The following AGBL1 variants were observed in gnomAD, a reference collection of about 807,000 sequenced individuals.
AGBL1 encodes the protein cytosolic carboxypeptidase 4.
AGBL1 carries 130 observed loss-of-function variants against 118.9 expected under a neutral mutation model. The observed-to-expected ratio is 1.09, with a 90% CI of 0.95 to 1.26. The LOEUF (loss-of-function observed/expected upper bound fraction) is 1.26, where lower values mean the gene tolerates loss of function less well. AGBL1 is among the 50% of genes most tolerant of loss of function. The pLI, the probability that AGBL1 is intolerant of heterozygous loss-of-function variation, is 0.00. For missense variants in AGBL1, 1,584 were observed against 1,298.1 expected (o/e 1.22, Z -3.38); for synonymous variants, 555 against 478.9 (o/e 1.16, Z -2.08).
intron 21 of AGBL1, among the ~76,000 whole-genome samples, chr15:86,599,113 G>A (rs903540460): frequency 6.6e-6 from 1 of 152,100 alleles, no homozygotes; most frequent in Admixed American, 6.6e-5. Context: ...ATAGTGATTA[G>A]TTTCACACCG....
chr15:86,262,078 C>CTGTTTTTTTTTTTTTTTTTTTTTT (rs2094009283), intron 9 of AGBL1, among the ~76,000 whole-genome samples: 1 of 52,766 alleles, frequency 1.9e-5, no homozygotes, highest in Non-Finnish European at 3.6e-5. Context: ...GCATAGCTGG[C>CTGTTTTTTTTTTTTTTTTTTTTTT]TTTTTTTTTT....
At chr15:86,207,704 T>G (rs1294088581) in intron 5 of AGBL1, among the ~76,000 whole-genome samples, 2 of 152,162 alleles carry the variant, frequency 1.3e-5, no homozygotes, top group Non-Finnish European at 2.9e-5. Context: ...AGCTTAAAGA[T>G]ATTTTGGGCT....
At chr15:86,396,243 GTATATA>G (rs3050890) in intron 17 of AGBL1, among the ~76,000 whole-genome samples, 1 of 126,626 alleles carries the variant, frequency 7.9e-6, no homozygotes, top group East Asian at 2.1e-4. Context: ...GTGTGTGTGT[GTATATA>G]TATATATATA....
chr15:86,831,997 C>A (rs974726912), intron 22 of AGBL1, among the ~76,000 whole-genome samples: 1 of 152,214 alleles, frequency 6.6e-6, no homozygotes, highest in Admixed American at 6.5e-5. Flanking sequence ...TCCCTGCAGG[C>A]CCAACACCAC....
rs150280055 is a variant in AGBL1 at position 86,313,053 on chromosome 15, G to A, written c.2374+17645G>A. ...CAGCTTTCAGCTTCTGGAAGGTGCT[G>A]TTGGAAACCCATAGAGTCAAATGGG... On this transcript the variant is annotated intron_variant, in intron 17 of 22. Transcript: ENST00000614907. Among the ~76,000 whole-genome samples the A allele has an allele frequency of 3.9e-3, 596 of 152,310 alleles. 7 individuals are homozygous for A. The highest frequency in any genetic ancestry group is 0.013 in the African/African-American group (554 of 41,564).
chr15:86,396,082 T>G (rs907136802), intron 17 of AGBL1, among the ~76,000 whole-genome samples: 5 of 150,470 alleles, frequency 3.3e-5, no homozygotes, highest in African/African-American at 9.7e-5. Context: ...TTTTTTATGG[T>G]TGAATAGTAT....
chr15:86,575,570 T>C (rs1241936945), intron 21 of AGBL1, among the ~76,000 whole-genome samples: 1 of 152,128 alleles, frequency 6.6e-6, no homozygotes, highest in Non-Finnish European at 1.5e-5. Flanking sequence ...CATATTCAAA[T>C]TTTAAAATTC....
intron 18 of AGBL1, among the ~76,000 whole-genome samples, chr15:86,439,169 A>C (rs2082033153): frequency 6.6e-6 from 1 of 152,126 alleles, no homozygotes; most frequent in Non-Finnish European, 1.5e-5. Context: ...CTATGTGTGA[A>C]TGTAAAACTT....
chr15:86,519,184 T>C (rs533964543), intron 18 of AGBL1, among the ~76,000 whole-genome samples: 11 of 152,294 alleles, frequency 7.2e-5, no homozygotes, highest in Admixed American at 2.0e-4. Context: ...AAGCCTCTTA[T>C]ATAAAATGGC....
At chr15:86,245,404 G>A (rs992191604) in intron 6 of AGBL1, among the ~76,000 whole-genome samples, 2 of 152,116 alleles carry the variant, frequency 1.3e-5, no homozygotes, top group African/African-American at 4.8e-5. Flanking sequence ...GGAGAGATGC[G>A]GTAGTGAGAG....
At chr15:86,920,289 C>T (rs1024709783), downstream of AGBL1, among the ~76,000 whole-genome samples, 5 of 152,204 alleles carry the variant, frequency 3.3e-5, no homozygotes, top group Non-Finnish European at 7.3e-5. Context: ...GCCTCCATTC[C>T]TTGGCCTGTG....
chr15:86,231,123 T>A (rs779732918), intron 6 of AGBL1, among the ~76,000 whole-genome samples: 1 of 152,248 alleles, frequency 6.6e-6, no homozygotes, highest in Non-Finnish European at 1.5e-5. Context: ...CTAACCATAC[T>A]GTAATTGATG....
intron 18 of AGBL1, among the ~76,000 whole-genome samples, chr15:86,438,997 C>T (rs4887461): frequency 0.43 from 64,752 of 151,720 alleles, 14,458 homozygotes; most frequent in East Asian, 0.82. Flanking sequence ...TCTCCCTCCT[C>T]CATTGTCTCC....
At chr15:86,945,177 G>A (rs990800615) in intron 23 of AGBL1, among the ~76,000 whole-genome samples, 5 of 146,984 alleles carry the variant, frequency 3.4e-5, no homozygotes, top group African/African-American at 1.3e-4. Context: ...CCAGGAGTTC[G>A]AGGTTGCAGT....
At chr15:86,331,759 G>A (rs553753323) in intron 17 of AGBL1, among the ~76,000 whole-genome samples, 2 of 152,348 alleles carry the variant, frequency 1.3e-5, no homozygotes, top group South Asian at 4.1e-4. Flanking sequence ...ATGGGAATTT[G>A]TTATCACCAG....
In AGBL1 at chr15:86,264,683, G is replaced by GA; in HGVS notation, c.1512_1513insA (p.Arg505ThrfsTer30). On this transcript the variant is annotated frameshift_variant, in exon 11 of 23. Coordinates refer to ENST00000614907, the MANE Select transcript of AGBL1 (RefSeq NM_001386094.1). LOFTEE classifies it high-confidence loss of function. ...ATAAGCTTCTGCAGACACATCTGAAGCGTGTCCCTTTCCACGATCCCTATC... is the reference window on the plus strand; with the variant it reads ...ATAAGCTTCTGCAGACACATCTGAAGACGTGTCCCTTTCCACGATCCCTATC... The GA allele has an allele frequency of 6.2e-7, 1 of 1,614,016 alleles. No individual in the cohort carries two copies. The highest frequency in any genetic ancestry group is 8.5e-7 in the Non-Finnish European group (1 of 1,179,904).
intron 21 of AGBL1, among the ~76,000 whole-genome samples, chr15:86,583,412 C>T (rs1396412148): frequency 6.6e-6 from 1 of 152,188 alleles, no homozygotes; most frequent in East Asian, 1.9e-4. Context: ...TTAGTTCCCA[C>T]TTATAAGTGA....
intron 22 of AGBL1, among the ~76,000 whole-genome samples, chr15:86,869,483 T>C (rs954926887): frequency 6.6e-6 from 1 of 152,160 alleles, no homozygotes; most frequent in African/African-American, 2.4e-5. Flanking sequence ...ATGGTAAAGC[T>C]AAATGACACA....
At chr15:86,893,733 G>A (rs564375100) in intron 22 of AGBL1, among the ~76,000 whole-genome samples, 2 of 152,102 alleles carry the variant, frequency 1.3e-5, no homozygotes, top group African/African-American at 4.8e-5. Context: ...TTCATACTTT[G>A]TCTCCAAACT....
Sources: gnomAD v4.1 joint callset for allele counts (sites outside exome capture counted in the v4.1 genomes callset) on GRCh38, gnomAD v4.1.1 for gene constraint, MANE v1.5 for transcripts, NCBI Gene and HGNC (gene_info 2026-07-23, HGNC 2026-07-21) for gene names.